P2RY12: variants seen among roughly 807,000 people sequenced by gnomAD.
P2RY12 encodes the protein P2Y purinoceptor 12.
In P2RY12, 3 loss-of-function variants were observed where a neutral mutation model predicts 4.5. That is an observed-to-expected ratio of 0.67 (90% CI 0.31 to 1.74). The LOEUF (loss-of-function observed/expected upper bound fraction) is 1.74. Among genes scored for constraint, P2RY12 ranks in the 40% most tolerant of loss-of-function variants. P2RY12 has a pLI of 0.09. For synonymous variants in P2RY12, 148 were observed against 154.1 expected, an observed-to-expected ratio of 0.96 and a Z score of 0.29; for missense variants, 356 against 407.8, an observed-to-expected ratio of 0.87 and a Z score of 1.09.
rs146070871 is a variant in P2RY12 at position 151,360,486 on chromosome 3, G to A, written c.-179-19726C>T. 1.8e-4 allele frequency: 294 copies of A among 1,612,360 alleles called. No homozygotes were observed. The African/African-American group carries it at 3.4e-3, about 19-fold the overall frequency. ...TTTTTCTCCTCAGGTTGTGTGGTGTGGTCAAGCATGTCGTAAACCCCTCAG... is the reference window on the plus strand; with the variant it reads ...TTTTTCTCCTCAGGTTGTGTGGTGTAGTCAAGCATGTCGTAAACCCCTCAG... On this transcript the variant is annotated intron_variant, in intron 1 of 2. Transcript: ENST00000302632.
intron 1 of P2RY12, among the ~76,000 whole-genome samples, chr3:151,370,776 T>C (rs918171075): frequency 6.6e-6 from 1 of 152,182 alleles, no homozygotes; most frequent in Non-Finnish European, 1.5e-5. Flanking sequence ...AGAATCAGTT[T>C]TCAATAAAAT....
At chr3:151,381,797 G>T (rs998276800) in intron 1 of P2RY12, among the ~76,000 whole-genome samples, 1 of 152,116 alleles carries the variant, frequency 6.6e-6, no homozygotes, top group African/African-American at 2.4e-5. Context: ...GCCAGCCTTA[G>T]GGAGGGGTTC....
chr3:151,375,902 A>C (rs980696665), intron 1 of P2RY12: 2 of 548,036 alleles, frequency 3.6e-6, no homozygotes, highest in African/African-American at 4.0e-5. Flanking sequence ...TTTTAATGTA[A>C]TTTTTTAAAT....
At chr3:151,376,197 A>T (rs761477093) in intron 1 of P2RY12, 1 of 1,588,126 alleles carries the variant, frequency 6.3e-7, no homozygotes, top group Non-Finnish European at 8.5e-7. Flanking sequence ...AAGACAGCAC[A>T]TTAAGCGTAT....
chr3:151,368,672 T>TCATG (rs2107966558), intron 1 of P2RY12, among the ~76,000 whole-genome samples: 2 of 65,130 alleles, frequency 3.1e-5, no homozygotes, highest in East Asian at 7.8e-4. Flanking sequence ...TTCATTTCAT[T>TCATG]TCATGTCATT....
intron 1 of P2RY12, among the ~76,000 whole-genome samples, chr3:151,344,637 G>C (rs1388135184): frequency 6.6e-6 from 1 of 152,142 alleles, no homozygotes; most frequent in African/African-American, 2.4e-5. Flanking sequence ...TTGAAGTAGA[G>C]CATGCAAAAA....
intron 1 of P2RY12, chr3:151,384,133 C>A (rs1308805851): frequency 6.2e-7 from 1 of 1,613,934 alleles, no homozygotes; most frequent in Non-Finnish European, 8.5e-7. Context: ...ATCAATGGAA[C>A]GTTAGCCTCT....
chr3:151,374,584 C>T (rs1756598089), intron 1 of P2RY12, among the ~76,000 whole-genome samples: 1 of 152,100 alleles, frequency 6.6e-6, no homozygotes, highest in East Asian at 1.9e-4. Flanking sequence ...ATGTTACACA[C>T]ATACCACTAG....
At chr3:151,343,071 TCCTCAACC>T (rs1271033120) in intron 1 of P2RY12, among the ~76,000 whole-genome samples, 2 of 152,038 alleles carry the variant, frequency 1.3e-5, no homozygotes, top group East Asian at 1.9e-4. Flanking sequence ...TCACACCCTC[TCCTCAACC>T]CCTCTCCCAC....
At chr3:151,383,049 T>G (rs577101005) in intron 1 of P2RY12, among the ~76,000 whole-genome samples, 1 of 152,368 alleles carries the variant, frequency 6.6e-6, no homozygotes, top group East Asian at 1.9e-4. Flanking sequence ...AAGACTGTTA[T>G]AAGTGTTAGC....
chr3:151,338,791 T>C lies in P2RY12; in HGVS notation c.55A>G (p.Arg19Gly). The part of the protein sequence containing the change: ...SAPGNTSLCT[R>G]DYKITQVLFP... ...AGGACCTGGGTGATTTTGTAGTCTC[T>C]GGTGCACAGACTGGTGTTACCAGGC... Residue 19 changes from arginine (R) to glycine (G), a missense_variant, in exon 3 of 3, where the codon AGA becomes GGA. By Grantham distance (125) the Arg-to-Gly change is moderately radical (BLOSUM62 -2). Transcript: ENST00000302632. The C allele has an allele frequency of 1.2e-6, 2 of 1,613,984 alleles. No homozygotes were observed. The highest frequency in any genetic ancestry group is 1.7e-6 in the Non-Finnish European group (2 of 1,179,948).
At chr3:151,378,376 T>A (rs12497089) in intron 1 of P2RY12, among the ~76,000 whole-genome samples, 43,254 of 152,146 alleles carry the variant, frequency 0.28, 7,339 homozygotes, top group Non-Finnish European at 0.38. Flanking sequence ...TTCTCAATTC[T>A]GCCTTTATAT....
intron 1 of P2RY12, chr3:151,384,259 T>C (rs921222933): frequency 5.2e-6 from 8 of 1,550,672 alleles, no homozygotes; most frequent in South Asian, 1.2e-5. Flanking sequence ...TCAAGTTGTT[T>C]ATGGATTTAT....
intron 1 of P2RY12, among the ~76,000 whole-genome samples, chr3:151,354,320 C>T (rs1248228560): frequency 6.6e-6 from 1 of 151,688 alleles, no homozygotes; most frequent in Admixed American, 6.6e-5. Context: ...GAAGAGTACC[C>T]CTAGAATAAG....
intron 1 of P2RY12, among the ~76,000 whole-genome samples, chr3:151,370,893 A>C (rs184424384): frequency 5.3e-5 from 8 of 152,328 alleles, no homozygotes; most frequent in African/African-American, 1.7e-4. Context: ...GTCTAATCTC[A>C]AGTAGAATTT....
At chr3:151,383,516 A>G (rs1427972410) in intron 1 of P2RY12, among the ~76,000 whole-genome samples, 1 of 152,242 alleles carries the variant, frequency 6.6e-6, no homozygotes, top group Non-Finnish European at 1.5e-5. Context: ...TTGGAACAAA[A>G]GAAAGCTAAG....
chr3:151,363,589 G>C (rs766853334), intron 1 of P2RY12, among the ~76,000 whole-genome samples: 1 of 152,170 alleles, frequency 6.6e-6, no homozygotes, highest in Non-Finnish European at 1.5e-5. Context: ...TTGCAAACTT[G>C]TATCCTTCAA....
rs762797982 is a variant in P2RY12, at chr3:151,369,515, C to A, written c.-180+15177G>T. ...CTCACAACAGCATTGAAGTGGGAGC[C>A]GTGTTTGCTGTCTTAAAAGCAATTA... is the stretch of plus-strand genomic sequence containing the variant. On this transcript the variant is annotated intron_variant, in intron 1 of 2. Coordinates refer to ENST00000302632, the MANE Select transcript of P2RY12 (RefSeq NM_022788.5). The A allele has an allele frequency of 4.3e-6, 7 of 1,610,912 alleles. No individual in the cohort carries two copies. The African/African-American group carries it at 9.4e-5, about 22-fold the overall frequency.
rs534920290 is a variant in P2RY12, at chr3:151,337,586, A to G, written c.*231T>C. 15 of 500,528 alleles carry G rather than the reference A, an allele frequency of 3.0e-5. No individual in the cohort carries two copies. The South Asian group carries it at 3.8e-4, about 13-fold the overall frequency. 31.0% of individuals were successfully genotyped at this position (500,528 alleles called of 1,614,324 possible). On this transcript the variant is annotated 3_prime_UTR_variant, in exon 3 of 3. Coordinates refer to ENST00000302632, the MANE Select transcript of P2RY12 (RefSeq NM_022788.5). ...GTTTTGCATGCAGCATGACAATTGGATGTCGTTTGTTTTGCTGCTAATACA... is the reference window on the plus strand; with the variant it reads ...GTTTTGCATGCAGCATGACAATTGGGTGTCGTTTGTTTTGCTGCTAATACA...
Sources: gnomAD v4.1 joint callset for allele counts (sites outside exome capture counted in the v4.1 genomes callset) on GRCh38, gnomAD v4.1.1 for gene constraint, MANE v1.5 for transcripts, NCBI Gene and HGNC (gene_info 2026-07-23, HGNC 2026-07-21) for gene names.